CYRIA: variants seen among roughly 807,000 people sequenced by gnomAD.
CYRIA encodes the protein CYFIP related Rac1 interactor A, also known as CYFIP-related Rac1 interactor A.
In CYRIA, 15 loss-of-function variants were observed where a neutral mutation model predicts 43.9. The observed-to-expected ratio is 0.34, with a 90% CI of 0.23 to 0.53. The LOEUF is 0.53. CYRIA is among the 20% of genes least tolerant of loss of function. CYRIA has a pLI of 0.94. For missense variants in CYRIA, 236 were observed against 394.2 expected, an observed-to-expected ratio of 0.60 and a Z score of 3.40; for synonymous variants, 117 against 136.0, an observed-to-expected ratio of 0.86 and a Z score of 0.97.
At chr2:16,601,279 C>T (rs562071185) in intron 2 of CYRIA, among the ~76,000 whole-genome samples, 5 of 152,122 alleles carry the variant, frequency 3.3e-5, no homozygotes, top group South Asian at 2.1e-4. Context: ...ACTGGGAATC[C>T]GGGTTGGCTG....
intron 3 of CYRIA, among the ~76,000 whole-genome samples, chr2:16,578,392 G>T (rs1328295180): frequency 6.6e-6 from 1 of 152,164 alleles, no homozygotes; most frequent in East Asian, 1.9e-4. Flanking sequence ...AATATCACCA[G>T]AAAAGTAAAG....
chr2:16,651,892 G>A (rs1341932782), intron 1 of CYRIA, among the ~76,000 whole-genome samples: 1 of 152,146 alleles, frequency 6.6e-6, no homozygotes, highest in East Asian at 1.9e-4. Context: ...CAAGGAGGCT[G>A]CTTGGAATGG....
chr2:16,569,542 C>A (rs1270963377), intron 3 of CYRIA, among the ~76,000 whole-genome samples: 1 of 152,174 alleles, frequency 6.6e-6, no homozygotes, highest in Non-Finnish European at 1.5e-5. Flanking sequence ...ATTAGACGGG[C>A]AGCACAGTTC....
At chr2:16,599,721 C>T (rs1317698959) in intron 2 of CYRIA, among the ~76,000 whole-genome samples, 11 of 151,856 alleles carry the variant, frequency 7.2e-5, no homozygotes, top group South Asian at 2.1e-4. Flanking sequence ...AGCTGTAGAC[C>T]GGAGCTGTTC....
chr2:16,564,191 C>T, intron 4 of CYRIA, 97 bp from the exon 5 acceptor site: 3 of 937,282 alleles, frequency 3.2e-6, no homozygotes, highest in Non-Finnish European at 4.9e-6. Flanking sequence ...CCTTGCTATA[C>T]TTTGCTGATG....
At chr2:16,604,098 G>A (rs1434727413) in intron 2 of CYRIA, among the ~76,000 whole-genome samples, 1 of 152,168 alleles carries the variant, frequency 6.6e-6, no homozygotes, top group East Asian at 1.9e-4. Context: ...ATCTGCACCT[G>A]CTACCTCGCT....
intron 2 of CYRIA, among the ~76,000 whole-genome samples, chr2:16,613,265 G>C (rs766292164): frequency 1.2e-4 from 18 of 152,174 alleles, no homozygotes; most frequent in Non-Finnish European, 2.2e-4. Flanking sequence ...CCACCTCTGG[G>C]CAGGAGAGCC....
chr2:16,660,124 G>T (rs1670209672), intron 1 of CYRIA, among the ~76,000 whole-genome samples: 1 of 152,114 alleles, frequency 6.6e-6, no homozygotes, highest in African/African-American at 2.4e-5. Flanking sequence ...AAACGGCTAG[G>T]TTTTGCCTCT....
At chr2:16,575,592 A>G (rs1667303913) in intron 3 of CYRIA, among the ~76,000 whole-genome samples, 1 of 152,116 alleles carries the variant, frequency 6.6e-6, no homozygotes, top group African/African-American at 2.4e-5. Context: ...GCGGTGGCTC[A>G]TGCTTGTAAT....
intron 10 of CYRIA, among the ~76,000 whole-genome samples, chr2:16,556,965 G>C (rs928657870): frequency 6.6e-6 from 1 of 152,050 alleles, no homozygotes; most frequent in Non-Finnish European, 1.5e-5. Context: ...TTTGTGGGGG[G>C]AGGGGAATCT....
At chr2:16,586,399 T>C (rs1390709902) in intron 3 of CYRIA, among the ~76,000 whole-genome samples, 1 of 152,102 alleles carries the variant, frequency 6.6e-6, no homozygotes, top group African/African-American at 2.4e-5. Flanking sequence ...GTGTGGTTTT[T>C]TTTAGAGGAA....
chr2:16,551,609 T>C lies in CYRIA; in HGVS notation c.*1327A>G, dbSNP rs763571839. 2 of 152,084 alleles carry C rather than the reference T, an allele frequency of 1.3e-5. No homozygotes were observed. Among genetic ancestry groups the C allele is most frequent in the Non-Finnish European group, 2.9e-5 (2 of 68,012 alleles). 9.4% of individuals were successfully genotyped at this position (152,084 alleles called of 1,614,324 possible). Reference sequence around the variant, plus strand: ...TTTCATGATTCCATTCGAACTAAGCTCTGATGTACAGAGAGAATGACTGCA... The same window carrying C: ...TTTCATGATTCCATTCGAACTAAGCCCTGATGTACAGAGAGAATGACTGCA... On this transcript the variant is annotated 3_prime_UTR_variant, in exon 12 of 12. Transcript: ENST00000381323.
At chr2:16,556,214 T>A (rs1439004919) in intron 10 of CYRIA, among the ~76,000 whole-genome samples, 10 of 152,120 alleles carry the variant, frequency 6.6e-5, no homozygotes, top group African/African-American at 2.4e-4. Flanking sequence ...CCTGATAGAC[T>A]GATGGAGGCT....
At chr2:16,649,007 G>A (rs1340941620) in intron 1 of CYRIA, among the ~76,000 whole-genome samples, 5 of 151,996 alleles carry the variant, frequency 3.3e-5, no homozygotes. Flanking sequence ...TTTATAGTCA[G>A]CCTTTCATAT....
At chr2:16,618,383 G>T (rs551089829) in intron 2 of CYRIA, among the ~76,000 whole-genome samples, 4 of 152,252 alleles carry the variant, frequency 2.6e-5, no homozygotes, top group African/African-American at 9.6e-5. Flanking sequence ...GGAGAGAATG[G>T]GGTCAGAGAA....
intron 2 of CYRIA, among the ~76,000 whole-genome samples, chr2:16,588,825 C>G (rs1667825429): frequency 6.6e-6 from 1 of 152,092 alleles, no homozygotes; most frequent in Non-Finnish European, 1.5e-5. Context: ...AGATTGGATA[C>G]TTCTGGAAGC....
chr2:16,660,827 C>T lies in CYRIA; in HGVS notation c.-167+4953G>A, dbSNP rs78518001. 7.1e-3 allele frequency among the ~76,000 whole-genome samples: 1,083 copies of T among 152,308 alleles called. 19 individuals are homozygous for T. Among genetic ancestry groups the T allele is most frequent in the African/African-American group, 0.025 (1,032 of 41,562 alleles). On this transcript the variant is annotated intron_variant, in intron 1 of 11. Transcript: ENST00000381323. ...TAATTGCAAATAGAAACACATCTGTCTGCAGCGCTAAGCTGGACCTGGTAA... is the reference window on the plus strand; with the variant it reads ...TAATTGCAAATAGAAACACATCTGTTTGCAGCGCTAAGCTGGACCTGGTAA...
intron 10 of CYRIA, among the ~76,000 whole-genome samples, chr2:16,557,404 GC>G (rs67637593): frequency 0.064 from 9,702 of 152,148 alleles, 454 homozygotes; most frequent in Admixed American, 0.11. Context: ...CACACACAGT[GC>G]CTGCCTCTCT....
At chr2:16,633,307 T>C (rs1165323585) in intron 1 of CYRIA, among the ~76,000 whole-genome samples, 2 of 152,184 alleles carry the variant, frequency 1.3e-5, no homozygotes, top group Non-Finnish European at 2.9e-5. Flanking sequence ...GATACCCACC[T>C]AAGACCACAA....
Sources: gnomAD v4.1 joint callset for allele counts (sites outside exome capture counted in the v4.1 genomes callset) on GRCh38, gnomAD v4.1.1 for gene constraint, MANE v1.5 for transcripts, NCBI Gene and HGNC (gene_info 2026-07-23, HGNC 2026-07-21) for gene names.